Variants in HS3ST5 observed in about 807,000 individuals in gnomAD.
HS3ST5 encodes heparan sulfate-glucosamine 3-sulfotransferase 5, also known as heparan sulfate glucosamine 3-O-sulfotransferase 5.
HS3ST5 carries 10 observed loss-of-function variants against 25.4 expected under a neutral mutation model. That is an observed-to-expected ratio of 0.39 (90% confidence interval 0.24 to 0.67). The LOEUF is 0.67. Ranked by LOEUF, HS3ST5 falls within the 30% of genes least tolerant of loss-of-function variation. HS3ST5 has a pLI of 0.44. For synonymous variants in HS3ST5, 170 were observed against 162.4 expected (o/e 1.05, Z -0.36); for missense variants, 324 against 420.7 (o/e 0.77, Z 2.01).
At chr6:114,242,587 T>G (rs751149366) in intron 1 of HS3ST5, among the ~76,000 whole-genome samples, 4 of 152,206 alleles carry the variant, frequency 2.6e-5, no homozygotes, top group Non-Finnish European at 5.9e-5. Flanking sequence ...TGCCTTTTAG[T>G]TTGACCCAAT....
intron 1 of HS3ST5, among the ~76,000 whole-genome samples, chr6:114,289,344 A>T (rs988238702): frequency 2.0e-5 from 3 of 152,084 alleles, no homozygotes; most frequent in Admixed American, 6.6e-5. Flanking sequence ...CAACGTGTAC[A>T]GTTGGTTCAT....
Position 114,187,579 on chromosome 6 carries a change from T to C in HS3ST5, c.-144-19117A>G, listed in dbSNP as rs889350042. 2.6e-5 allele frequency among the ~76,000 whole-genome samples: 4 copies of C among 152,276 alleles called. No homozygotes were observed. In the South Asian group the frequency reaches 6.2e-4, roughly 24 times the overall value. On this transcript the variant is annotated intron_variant, in intron 2 of 4. Transcript: ENST00000312719. ...TATGAATGAGCAAAGAAAGTGGATT[T>C]TTGAGATGAAATTTGCTCTTGCTGA...
At chr6:114,263,668 T>A (rs1372927829) in intron 1 of HS3ST5, among the ~76,000 whole-genome samples, 2 of 152,224 alleles carry the variant, frequency 1.3e-5, no homozygotes, top group African/African-American at 4.8e-5. Context: ...ATTAAGGGCA[T>A]TAAGTTGTTC....
In HS3ST5 at chr6:114,062,825, C is replaced by T. The variant is rs369720690; in HGVS notation, c.21G>A (p.Ala7=). The change falls in exon 4 of 5, where the codon GCG becomes GCA. Residue 7 remains alanine (A), a synonymous_variant. Coordinates refer to ENST00000312719, the MANE Select transcript of HS3ST5 (RefSeq NM_153612.4). MLFKQQ[A]WLRQKLLVLG... ...GCACCAGGAGCTTCTGTCTCAGCCA[C>T]GCCTGCTGTTTGAATAGCATGGCCC... 93 of 1,613,886 alleles carry T rather than the reference C, an allele frequency of 5.8e-5. No homozygotes were observed. Among genetic ancestry groups the T allele is most frequent in the Non-Finnish European group, 7.2e-5 (85 of 1,179,896 alleles).
intron 1 of HS3ST5, among the ~76,000 whole-genome samples, chr6:114,299,329 A>C (rs1774971113): frequency 6.6e-6 from 1 of 152,166 alleles, no homozygotes; most frequent in African/African-American, 2.4e-5. Flanking sequence ...AGATGTTATC[A>C]ATGACAATGG....
chr6:114,074,901 T>C (rs542969871), intron 3 of HS3ST5, among the ~76,000 whole-genome samples: 1 of 152,324 alleles, frequency 6.6e-6, no homozygotes, highest in South Asian at 2.1e-4. Context: ...GTATTAAAAT[T>C]AGCATTCTTA....
chr6:114,219,870 C>T (rs143465160), intron 2 of HS3ST5, among the ~76,000 whole-genome samples: 416 of 152,124 alleles, frequency 2.7e-3, no homozygotes, highest in African/African-American at 8.9e-3. Flanking sequence ...CAAAAATGTA[C>T]AACAATCAAA....
At chr6:114,080,789 G>A (rs528697909) in intron 3 of HS3ST5, among the ~76,000 whole-genome samples, 2 of 152,162 alleles carry the variant, frequency 1.3e-5, no homozygotes, top group African/African-American at 2.4e-5. Context: ...AGAGGTAGGA[G>A]GGAGAGAAGG....
At chr6:114,270,708 G>C (rs1403170439) in intron 1 of HS3ST5, among the ~76,000 whole-genome samples, 1 of 152,082 alleles carries the variant, frequency 6.6e-6, no homozygotes, top group Non-Finnish European at 1.5e-5. Context: ...AGGTCTGCCT[G>C]TGTGAGTTTT....
intron 1 of HS3ST5, among the ~76,000 whole-genome samples, 187 bp downstream of exon 1, chr6:114,342,008 G>T (rs1387997207): frequency 2.0e-5 from 3 of 152,112 alleles, no homozygotes; most frequent in Non-Finnish European, 4.4e-5. Context: ...TTTAACCTCT[G>T]GTCCTAAGCA....
At chr6:114,242,820 T>C (rs1772198293) in intron 1 of HS3ST5, among the ~76,000 whole-genome samples, 1 of 144,696 alleles carries the variant, frequency 6.9e-6, no homozygotes, top group Non-Finnish European at 1.5e-5. Flanking sequence ...GCCACTGCAG[T>C]CCGCAGTCCG....
intron 3 of HS3ST5, among the ~76,000 whole-genome samples, chr6:114,096,343 T>G (rs1208741892): frequency 1.3e-5 from 2 of 152,172 alleles, no homozygotes; most frequent in Non-Finnish European, 2.9e-5. Flanking sequence ...TACATGAAAG[T>G]ATAATGAAGA....
At chr6:114,286,376 T>A (rs1408833861) in intron 1 of HS3ST5, among the ~76,000 whole-genome samples, 1 of 152,000 alleles carries the variant, frequency 6.6e-6, no homozygotes, top group East Asian at 1.9e-4. Flanking sequence ...GATCAATAAG[T>A]TGTAGAGATG....
At chr6:114,299,565 G>A (rs903331393) in intron 1 of HS3ST5, among the ~76,000 whole-genome samples, 1 of 152,090 alleles carries the variant, frequency 6.6e-6, no homozygotes, top group Admixed American at 6.5e-5. Flanking sequence ...TCCCCCGGAT[G>A]CCCAGCTTCG....
chr6:114,161,549 A>G (rs1476497192), intron 3 of HS3ST5, among the ~76,000 whole-genome samples: 1 of 90,406 alleles, frequency 1.1e-5, no homozygotes, highest in African/African-American at 3.8e-5. Context: ...ATATATATAT[A>G]TATATATATA....
chr6:114,321,979 A>G (rs570105514), intron 1 of HS3ST5, among the ~76,000 whole-genome samples: 1 of 152,266 alleles, frequency 6.6e-6, no homozygotes, highest in Admixed American at 6.5e-5. Flanking sequence ...TACAATCACT[A>G]CTGAATTTAC....
At chr6:114,195,759 G>T (rs1207683465) in intron 2 of HS3ST5, among the ~76,000 whole-genome samples, 1 of 152,090 alleles carries the variant, frequency 6.6e-6, no homozygotes, top group Non-Finnish European at 1.5e-5. Flanking sequence ...GAGGGAAAGT[G>T]GTCAAGCAGG....
chr6:114,175,621 G>A (rs186183025), intron 2 of HS3ST5, among the ~76,000 whole-genome samples: 10 of 152,286 alleles, frequency 6.6e-5, no homozygotes, highest in Admixed American at 4.6e-4. Flanking sequence ...GGGAGGGCAC[G>A]TGAGGGAGGA....
chr6:114,338,679 T>A (rs1473842250), intron 1 of HS3ST5, among the ~76,000 whole-genome samples: 1 of 152,144 alleles, frequency 6.6e-6, no homozygotes, highest in African/African-American at 2.4e-5. Flanking sequence ...AAGTTACTAA[T>A]ATCTTGCTTT....
Sources: gnomAD v4.1 joint callset for allele counts (sites outside exome capture counted in the v4.1 genomes callset) on GRCh38, gnomAD v4.1.1 for gene constraint, MANE v1.5 for transcripts, NCBI Gene and HGNC (gene_info 2026-07-23, HGNC 2026-07-21) for gene names.